SPATA3: variants seen among roughly 807,000 people sequenced by gnomAD.
SPATA3 encodes the protein spermatogenesis associated 3.
A neutral mutation model predicts 5.7 loss-of-function variants in SPATA3; 6 were observed. The observed-to-expected ratio is 1.06, with a 90% CI of 0.58 to 2.09. The LOEUF (loss-of-function observed/expected upper bound fraction) is 2.09, where lower values mean the gene tolerates loss of function less well. SPATA3 is among the 30% of genes most tolerant of loss of function. SPATA3 has a pLI of 0.00. For synonymous variants in SPATA3, 44 were observed against 48.4 expected (o/e 0.91, Z 0.37); for missense variants, 155 against 130.4 (o/e 1.19, Z -0.92).
downstream of SPATA3, among the ~76,000 whole-genome samples, chr2:231,005,295 TCAC>T (rs1692542387): frequency 8.2e-5 from 4 of 48,544 alleles, no homozygotes; most frequent in East Asian, 7.7e-4. Flanking sequence ...ATCATCACCA[TCAC>T]CACCACCATC....
chr2:231,019,215 C>T (rs1328230483), intron 6 of SPATA3, among the ~76,000 whole-genome samples: 4 of 151,132 alleles, frequency 2.6e-5, no homozygotes, highest in Non-Finnish European at 5.9e-5. Context: ...GTGATCCGCC[C>T]ACCTTGGCCT....
intron 1 of SPATA3, chr2:230,999,743 C>A (rs1692274375): frequency 5.9e-6 from 1 of 169,162 alleles, no homozygotes; most frequent in African/African-American, 2.4e-5. Flanking sequence ...CTGGATGGAT[C>A]AGAATGCTCT....
At chr2:231,010,906 A>G (rs1331833639), downstream of SPATA3, among the ~76,000 whole-genome samples, 1 of 112,348 alleles carries the variant, frequency 8.9e-6, no homozygotes, top group Non-Finnish European at 1.8e-5. Context: ...CATATTTTGT[A>G]TTTTTCTAAA....
chr2:231,018,977 T>C (rs945621719), intron 6 of SPATA3, among the ~76,000 whole-genome samples: 4 of 149,372 alleles, frequency 2.7e-5, no homozygotes, highest in Non-Finnish European at 6.0e-5. Flanking sequence ...TTCTTTTTTT[T>C]TTTTTTTGAG....
At chr2:231,004,266 T>C (rs1692457084), downstream of SPATA3, 1 of 152,236 alleles carries the variant, frequency 6.6e-6, no homozygotes, top group Admixed American at 6.5e-5. Flanking sequence ...TCCTCATCTG[T>C]AAATAGGGAA....
chr2:231,019,205 G>A (rs759344335), intron 6 of SPATA3, among the ~76,000 whole-genome samples: 45 of 151,570 alleles, frequency 3.0e-4, no homozygotes, highest in Non-Finnish European at 4.7e-4. Flanking sequence ...TCCCGACCTT[G>A]TGATCCGCCC....
intron 1 of SPATA3, among the ~76,000 whole-genome samples, chr2:230,997,297 T>C (rs1013150493): frequency 2.0e-5 from 3 of 152,338 alleles, no homozygotes; most frequent in Non-Finnish European, 4.4e-5. Context: ...CTCTCTTCTC[T>C]TGTCTGCCGC....
downstream of SPATA3, chr2:231,007,328 G>A (rs1692665544): frequency 6.6e-6 from 1 of 152,174 alleles, no homozygotes; most frequent in Non-Finnish European, 1.5e-5. Flanking sequence ...ATAAAAGTTG[G>A]ACTTGGCAAA....
chr2:231,007,969 C>A (rs564342092), downstream of SPATA3, among the ~76,000 whole-genome samples: 1 of 152,072 alleles, frequency 6.6e-6, no homozygotes, highest in Admixed American at 6.5e-5. Flanking sequence ...ATGATTGCAC[C>A]GCTGCACTCC....
chr2:231,018,521 C>T (rs1692989255), intron 6 of SPATA3, among the ~76,000 whole-genome samples: 1 of 151,906 alleles, frequency 6.6e-6, no homozygotes, highest in South Asian at 2.1e-4. Context: ...TGCACATGTT[C>T]TTGTTAATAC....
chr2:231,019,745 T>C (rs948239370), exon 7 of SPATA3: 1 of 151,288 alleles, frequency 6.6e-6, no homozygotes, highest in African/African-American at 2.4e-5. Flanking sequence ...TCCTCAGATT[T>C]GCCCTGCACT....
At chr2:231,002,662 C>G (rs1260085116) in intron 2 of SPATA3, 22 bp from the exon 3 acceptor site, 1 of 1,434,046 alleles carries the variant, frequency 7.0e-7, no homozygotes, top group Non-Finnish European at 9.3e-7. Flanking sequence ...CCCACCACCC[C>G]CACTTCTGCT....
chr2:231,005,448 TCACCAC>T (rs1363254856), downstream of SPATA3, among the ~76,000 whole-genome samples: 4 of 26,096 alleles, frequency 1.5e-4, no homozygotes, highest in African/African-American at 3.4e-4. Flanking sequence ...ATCACCACCA[TCACCAC>T]CACCACCACC....
At chr2:231,010,606 T>C (rs1044948484), downstream of SPATA3, among the ~76,000 whole-genome samples, 1 of 152,162 alleles carries the variant, frequency 6.6e-6, no homozygotes, top group Non-Finnish European at 1.5e-5. Context: ...ATTGAGTTTG[T>C]ATGGCTAGCC....
At chr2:231,007,587 T>C (rs1180725119), downstream of SPATA3, among the ~76,000 whole-genome samples, 2 of 152,224 alleles carry the variant, frequency 1.3e-5, no homozygotes, top group Non-Finnish European at 2.9e-5. Flanking sequence ...TTACTGGGAA[T>C]AGGAGGAATG....
At chr2:231,014,736 A>T (rs1216641985) in intron 6 of SPATA3, among the ~76,000 whole-genome samples, 1 of 151,932 alleles carries the variant, frequency 6.6e-6, no homozygotes, top group African/African-American at 2.4e-5. Context: ...CACTGGGAGG[A>T]CTGTGTGTTT....
chr2:231,005,211 T>TCACCAC (rs1692528328), downstream of SPATA3, among the ~76,000 whole-genome samples: 1 of 98,760 alleles, frequency 1.0e-5, no homozygotes, highest in Non-Finnish European at 2.1e-5. Context: ...ATCACCATCA[T>TCACCAC]CACCACCATC....
chr2:231,002,051 A>C (rs1692372242), intron 2 of SPATA3, among the ~76,000 whole-genome samples: 1 of 152,198 alleles, frequency 6.6e-6, no homozygotes, highest in Non-Finnish European at 1.5e-5. Context: ...AGGGAGAGAC[A>C]GGGTCCATAT....
At chr2:231,011,202 C>T (rs1252471697), downstream of SPATA3, among the ~76,000 whole-genome samples, 1 of 152,078 alleles carries the variant, frequency 6.6e-6, no homozygotes, top group South Asian at 2.1e-4. Flanking sequence ...GCAACCTCCA[C>T]CTCCCGGGTT....
Sources: gnomAD v4.1 joint callset for allele counts (sites outside exome capture counted in the v4.1 genomes callset) on GRCh38, gnomAD v4.1.1 for gene constraint, MANE v1.5 for transcripts, NCBI Gene and HGNC (gene_info 2026-07-23, HGNC 2026-07-21) for gene names.